The following SLC2A2 variants were observed in gnomAD, a reference collection of about 807,000 sequenced individuals.
SLC2A2 encodes solute carrier family 2 member 2.
In SLC2A2, 36 loss-of-function variants were observed where a neutral mutation model predicts 54.5. That is an observed-to-expected ratio of 0.66 (90% CI 0.51 to 0.87). The LOEUF is 0.87. SLC2A2 is among the 40% of genes least tolerant of loss of function. SLC2A2 has a pLI of 0.00. For missense variants in SLC2A2, 543 were observed against 624.3 expected, an observed-to-expected ratio of 0.87 and a Z score of 1.39; for synonymous variants, 223 against 219.1, an observed-to-expected ratio of 1.02 and a Z score of -0.16.
At chr3:171,003,460 C>T (rs1251393648) in intron 7 of SLC2A2, among the ~76,000 whole-genome samples, 5 of 151,160 alleles carry the variant, frequency 3.3e-5, no homozygotes, top group South Asian at 2.1e-4. Flanking sequence ...GGGTGGGAGG[C>T]GGGTGTAATT....
chr3:170,998,912 A>G lies in SLC2A2; in HGVS notation c.1170+153T>C, dbSNP rs534979848. 3.3e-5 allele frequency among the ~76,000 whole-genome samples: 5 copies of G among 152,270 alleles called. No individual in the cohort carries two copies. In the East Asian group the frequency reaches 9.7e-4, roughly 29 times the overall value. On this transcript the variant is annotated intron_variant, in intron 9 of 10. Coordinates refer to ENST00000314251, the MANE Select transcript of SLC2A2 (RefSeq NM_000340.2). ...CAAGAAACTAGTTCATCTTTTCTTT[A>G]TATATCTCCTTTGATTTTATGCTGT...
intron 2 of SLC2A2, 117 bp from the exon 3 acceptor site, chr3:171,014,848 A>G (rs1419198107): frequency 2.6e-6 from 2 of 776,972 alleles, no homozygotes; most frequent in Non-Finnish European, 2.1e-6. Context: ...TGTTTTATAT[A>G]CATATAAACA....
rs145060504 is a variant in SLC2A2, at chr3:171,003,529, TAAAC to T, written c.964-853_964-850del. Among the ~76,000 whole-genome samples the T allele has an allele frequency of 3.1e-3, 467 of 152,026 alleles. 2 individuals are homozygous for T. The highest frequency in any genetic ancestry group is 0.011 in the African/African-American group (451 of 41,486). ...TTGCCTTTTGCCTTCACCTTAATAT[TAAAC>T]AGACATATAGTACCATTGACTATTG... On this transcript the variant is annotated intron_variant, in intron 7 of 10. Transcript: ENST00000314251.
intron 2 of SLC2A2, among the ~76,000 whole-genome samples, chr3:171,015,577 A>G (rs926309752): frequency 6.6e-6 from 1 of 152,218 alleles, no homozygotes; most frequent in Non-Finnish European, 1.5e-5. Flanking sequence ...CAGAATCATA[A>G]AAGTGGATAT....
chr3:170,997,711 C>G lies in SLC2A2; in HGVS notation c.*192G>C. 1 of 604,288 alleles carries G rather than the reference C, an allele frequency of 1.7e-6. No homozygotes were observed. Among genetic ancestry groups the G allele is most frequent in the East Asian group, 2.8e-5 (1 of 35,238 alleles). 37.4% of individuals were successfully genotyped at this position (604,288 alleles called of 1,614,324 possible). A position where few individuals can be genotyped will look rare whatever the true frequency, so the allele number is the denominator to read the frequency against. On this transcript the variant is annotated 3_prime_UTR_variant, in exon 11 of 11. Transcript: ENST00000314251. The stretch of plus-strand genomic sequence containing the variant: ...CCTTTTTGGTTTACTTAATTACAGT[C>G]TTACCATCAAAAATATATTCTCTAA...
intron 8 of SLC2A2, 45 bp from the exon 9 acceptor site, chr3:170,999,211 AATATTG>A: frequency 2.4e-6 from 3 of 1,240,924 alleles, no homozygotes; most frequent in Non-Finnish European, 3.6e-6. Flanking sequence ...TGAGTCACAA[AATATTG>A]ACTGTTTACT....
intron 5 of SLC2A2, among the ~76,000 whole-genome samples, chr3:171,006,449 C>T (rs1715608850): frequency 6.6e-6 from 1 of 152,052 alleles, no homozygotes; most frequent in Admixed American, 6.6e-5. Flanking sequence ...CAACACATAG[C>T]TGTATTCTCC....
intron 1 of SLC2A2, among the ~76,000 whole-genome samples, chr3:171,020,792 G>A (rs142209519): frequency 0.014 from 2,068 of 151,940 alleles, 47 homozygotes; most frequent in African/African-American, 0.047. Context: ...GCTGAGGTGG[G>A]AGGATTGCTT....
chr3:171,001,265 TA>T (rs977212396), intron 8 of SLC2A2, among the ~76,000 whole-genome samples: 3 of 152,048 alleles, frequency 2.0e-5, no homozygotes, highest in Non-Finnish European at 2.9e-5. Flanking sequence ...TAATCTATCA[TA>T]AAAAATATGT....
intron 1 of SLC2A2, among the ~76,000 whole-genome samples, chr3:171,026,368 CTTTT>C (rs58089695): frequency 4.3e-4 from 50 of 117,536 alleles, no homozygotes; most frequent in African/African-American, 7.9e-4. Flanking sequence ...AATCTGCCCC[CTTTT>C]TTTTTTTTTT....
intron 1 of SLC2A2, among the ~76,000 whole-genome samples, chr3:171,020,434 A>C (rs189718819): frequency 7.9e-4 from 120 of 152,216 alleles, no homozygotes; most frequent in Admixed American, 1.2e-3. Flanking sequence ...CCTTTCACTA[A>C]TATAGGGGGT....
chr3:171,024,443 CTGATGGT>C, intron 1 of SLC2A2, among the ~76,000 whole-genome samples: 1 of 152,160 alleles, frequency 6.6e-6, no homozygotes, highest in Non-Finnish European at 1.5e-5. Context: ...GAACCGAGAG[CTGATGGT>C]CTTAAACGCC....
At chr3:170,999,496 C>G (rs763960011) in intron 8 of SLC2A2, among the ~76,000 whole-genome samples, 14 of 152,116 alleles carry the variant, frequency 9.2e-5, no homozygotes, top group Non-Finnish European at 1.9e-4. Context: ...GACTGTACAG[C>G]TGGGGTCTCT....
chr3:171,014,384 A>G, intron 3 of SLC2A2, 85 bp downstream of exon 3: 1 of 1,446,010 alleles, frequency 6.9e-7, no homozygotes, highest in Non-Finnish European at 9.7e-7. Context: ...TTCCACAAGA[A>G]GAAAGATAAT....
intron 1 of SLC2A2, among the ~76,000 whole-genome samples, chr3:171,020,686 C>A (rs1291807289): frequency 2.6e-5 from 4 of 151,868 alleles, no homozygotes; most frequent in Non-Finnish European, 5.9e-5. Context: ...AGTTCGAGAC[C>A]AGCCTGGGTA....
intron 3 of SLC2A2, among the ~76,000 whole-genome samples, chr3:171,011,177 C>G (rs1715865648): frequency 6.6e-6 from 1 of 152,046 alleles, no homozygotes; most frequent in Non-Finnish European, 1.5e-5. Context: ...TAAATCATGT[C>G]CCCTGGCAGC....
At chr3:171,022,829 T>A (rs903003486) in intron 1 of SLC2A2, among the ~76,000 whole-genome samples, 3 of 152,196 alleles carry the variant, frequency 2.0e-5, no homozygotes, top group African/African-American at 7.2e-5. Flanking sequence ...GCACATGTAC[T>A]CCCCTGTCGT....
chr3:171,012,729 T>C (rs1475378256), intron 3 of SLC2A2, among the ~76,000 whole-genome samples: 1 of 152,136 alleles, frequency 6.6e-6, no homozygotes, highest in Non-Finnish European at 1.5e-5. Context: ...AGAAAGATAA[T>C]TTTATGGGGA....
At chr3:171,026,057 C>T (rs1716676053) in intron 1 of SLC2A2, among the ~76,000 whole-genome samples, 1 of 152,128 alleles carries the variant, frequency 6.6e-6, no homozygotes, top group African/African-American at 2.4e-5. Context: ...AATACTTTAG[C>T]ATGTACAAAG....
Sources: allele counts gnomAD v4.1 joint callset (sites outside exome capture counted in the v4.1 genomes callset), GRCh38; gene constraint gnomAD v4.1.1; transcripts MANE v1.5; gene names NCBI Gene and HGNC (gene_info 2026-07-23, HGNC 2026-07-21).